Variants in OTOGL observed in about 807,000 individuals in gnomAD.
OTOGL encodes otogelin-like protein.
OTOGL carries 285 observed loss-of-function variants against 318.5 expected under a neutral mutation model. The observed-to-expected ratio is 0.89, with a 90% CI of 0.81 to 0.99. The LOEUF (loss-of-function observed/expected upper bound fraction) is 0.99. Among genes scored for constraint, OTOGL ranks in the 50% least tolerant of loss-of-function variants. The pLI is 0.00. For synonymous variants in OTOGL, 987 were observed against 936.5 expected (o/e 1.05, Z -0.99); for missense variants, 2,899 against 2,845.6 (o/e 1.02, Z -0.43).
rs1274922149 is a variant in OTOGL at position 80,368,205 on chromosome 12, C to T, written c.6511C>T (p.His2171Tyr). 6 of 1,583,738 alleles carry T rather than the reference C, an allele frequency of 3.8e-6. No individual in the cohort carries two copies. Among genetic ancestry groups the T allele is most frequent in the African/African-American group, 2.7e-5 (2 of 74,296 alleles). Reference protein sequence around the residue: ...LVNCSKKCDVHQVYTPSPSDY... With the variant: ...LVNCSKKCDVYQVYTPSPSDY... ...GCTAATCTAATATCATTATATGCAG[C>T]ACCAGGTATATACTCCATCCCCAAG... Residue 2171 changes from histidine (H) to tyrosine (Y), a missense_variant and splice_region_variant, in exon 55 of 59, where the codon CAC becomes TAC. Coordinates refer to ENST00000547103, the MANE Select transcript of OTOGL (RefSeq NM_001378609.3).
chr12:80,366,252 G>T (rs4842349), intron 52 of OTOGL: 71,176 of 433,392 alleles, frequency 0.16, 9,769 homozygotes, highest in African/African-American at 0.48. Flanking sequence ...TTGTGTTGCT[G>T]ATGTGTATAC....
intron 4 of OTOGL, among the ~76,000 whole-genome samples, chr12:80,213,648 G>A (rs1877449256): frequency 6.6e-6 from 1 of 152,052 alleles, no homozygotes. Context: ...TGTCAAATTG[G>A]GGTTATACTG....
chr12:80,111,163 G>A lies in OTOGL; in HGVS notation c.-20+11558G>A, dbSNP rs138051983. On this transcript the variant is annotated intron_variant, in intron 1 of 58. Coordinates refer to ENST00000547103, the MANE Select transcript of OTOGL (RefSeq NM_001378609.3). ...GATTCTGGTTATTAGACTTTTGTCA[G>A]ATGGATAGATTGCAAAAATTTTCTC... is the stretch of plus-strand genomic sequence containing the variant. Among the ~76,000 whole-genome samples, 165 of 152,294 alleles carry A rather than the reference G, an allele frequency of 1.1e-3. 2 individuals are homozygous for A. The East Asian group carries it at 0.024, about 22-fold the overall frequency.
chr12:80,310,755 A>G (rs761681912), intron 30 of OTOGL, 28 bp downstream of exon 30: 1 of 1,491,428 alleles, frequency 6.7e-7, no homozygotes, highest in South Asian at 1.1e-5. Flanking sequence ...TGAACTCTCG[A>G]GTTTCAATAT....
chr12:80,239,633 T>G (rs1007464465), intron 11 of OTOGL, among the ~76,000 whole-genome samples, 194 bp downstream of exon 11: 19 of 152,174 alleles, frequency 1.2e-4, no homozygotes, highest in African/African-American at 4.6e-4. Context: ...ACATAGTAGA[T>G]GTACATATTT....
intron 27 of OTOGL, among the ~76,000 whole-genome samples, chr12:80,302,275 G>T (rs184110152): frequency 9.9e-5 from 15 of 152,226 alleles, no homozygotes; most frequent in African/African-American, 3.4e-4. Context: ...ACCTTTTTTA[G>T]TTCTGTCATA....
At chr12:80,285,703 G>T (rs754774228) in intron 26 of OTOGL, among the ~76,000 whole-genome samples, 1 of 152,124 alleles carries the variant, frequency 6.6e-6, no homozygotes, top group Non-Finnish European at 1.5e-5. Flanking sequence ...GAATGCTTGT[G>T]ATTTTTGCAC....
intron 11 of OTOGL, among the ~76,000 whole-genome samples, chr12:80,244,361 C>T (rs1462305601): frequency 1.4e-5 from 2 of 139,182 alleles, no homozygotes; most frequent in East Asian, 4.4e-4. Context: ...TGATATTCCC[C>T]TTCCTGTGTC....
intron 1 of OTOGL, among the ~76,000 whole-genome samples, chr12:80,123,157 T>A (rs1870590342): frequency 6.6e-6 from 1 of 152,068 alleles, no homozygotes; most frequent in East Asian, 1.9e-4. Flanking sequence ...TAACATTAGG[T>A]ATATCTCCTA....
rs560831183 is a variant in OTOGL at position 80,107,972 on chromosome 12, G to A, written c.-20+8367G>A. 2.6e-5 allele frequency among the ~76,000 whole-genome samples: 4 copies of A among 151,978 alleles called. No individual in the cohort carries two copies. In the East Asian group the frequency reaches 5.8e-4, roughly 22 times the overall value. ...AGAGTGGAGGGTGGGAGGAGGGACA[G>A]GATCAAAAAACTATCTATTGGGTAC... On this transcript the variant is annotated intron_variant, in intron 1 of 58. Coordinates refer to ENST00000547103, the MANE Select transcript of OTOGL (RefSeq NM_001378609.3).
chr12:80,254,442 G>T, intron 14 of OTOGL, 82 bp from the exon 15 acceptor site: 2 of 931,574 alleles, frequency 2.1e-6, no homozygotes, highest in Non-Finnish European at 3.2e-6. Context: ...GATATATTTT[G>T]GTCCATTAAT....
Position 80,209,419 on chromosome 12 carries a change from A to T in OTOGL, c.-13A>T. The T allele has an allele frequency of 6.8e-7, 1 of 1,462,322 alleles. No homozygotes were observed. The highest frequency in any genetic ancestry group is 9.1e-7 in the Non-Finnish European group (1 of 1,102,012). 90.6% of individuals were successfully genotyped at this position (1,462,322 alleles called of 1,614,324 possible). A position where few individuals can be genotyped will look rare whatever the true frequency, so the allele number is the denominator to read the frequency against. ...CAATTTGGTTACATTTCAGGGGGAA[A>T]GGCTACACTGAAATGAACATTGTAA... On this transcript the variant is annotated 5_prime_UTR_variant, in exon 2 of 59. The change creates a new upstream start codon in the 5' untranslated region. Coordinates refer to ENST00000547103, the MANE Select transcript of OTOGL (RefSeq NM_001378609.3).
At chr12:80,205,347 G>A (rs1407747823) in intron 1 of OTOGL, among the ~76,000 whole-genome samples, 3 of 152,064 alleles carry the variant, frequency 2.0e-5, no homozygotes, top group East Asian at 1.9e-4. Context: ...ACAAATCAAC[G>A]GCATCACAGC....
chr12:80,140,653 T>C (rs1319151957), intron 1 of OTOGL, among the ~76,000 whole-genome samples: 1 of 152,184 alleles, frequency 6.6e-6, no homozygotes, highest in Non-Finnish European at 1.5e-5. Context: ...ATATAAAATG[T>C]GCCTACTAAG....
At chr12:80,294,184 A>G (rs1048177728) in intron 26 of OTOGL, among the ~76,000 whole-genome samples, 1 of 152,118 alleles carries the variant, frequency 6.6e-6, no homozygotes, top group African/African-American at 2.4e-5. Context: ...AACTTGAAAT[A>G]CATTAGAAAT....
At chr12:80,259,071 T>C in intron 18 of OTOGL, among the ~76,000 whole-genome samples, 1 of 152,006 alleles carries the variant, frequency 6.6e-6, no homozygotes, top group East Asian at 1.9e-4. Context: ...TCTGTAAATG[T>C]ATATAATTTT....
rs779647883 is a variant in OTOGL at position 80,323,762 on chromosome 12, G to A, written c.4121G>A (p.Trp1374Ter). Residue 1374 changes from tryptophan to a stop codon, truncating the protein, a stop_gained, in exon 35 of 59, where the codon TGG (tryptophan) becomes TAG (stop). Transcript: ENST00000547103. LOFTEE classifies it high-confidence loss of function. ...GTGCCTTACAGGAAGATGTGTGAAT[G>A]GAGATATGAACCTTGTGCTACACCC... ...AAVPYRKMCE[W>*]RYEPCATPCF... 1 of 1,613,890 alleles carries A rather than the reference G, an allele frequency of 6.2e-7. No individual in the cohort carries two copies. The highest frequency in any genetic ancestry group is 8.5e-7 in the Non-Finnish European group (1 of 1,179,794).
intron 1 of OTOGL, among the ~76,000 whole-genome samples, chr12:80,199,166 T>G (rs1876291804): frequency 6.6e-6 from 1 of 152,200 alleles, no homozygotes; most frequent in Non-Finnish European, 1.5e-5. Flanking sequence ...TATACCCACA[T>G]CCCAGCCTTG....
At chr12:80,209,388 G>C (rs1877063051) in intron 1 of OTOGL, 25 bp from the exon 2 acceptor site, 3 of 1,292,392 alleles carry the variant, frequency 2.3e-6, no homozygotes, top group Non-Finnish European at 2.1e-6. Context: ...TCATAATAAA[G>C]ACCATCAATT....
Sources: gnomAD v4.1 joint callset for allele counts (sites outside exome capture counted in the v4.1 genomes callset) on GRCh38, gnomAD v4.1.1 for gene constraint, MANE v1.5 for transcripts, NCBI Gene and HGNC (gene_info 2026-07-23, HGNC 2026-07-21) for gene names.